LDLRAD4: variants seen among roughly 807,000 people sequenced by gnomAD.
LDLRAD4 encodes the protein low density lipoprotein receptor class A domain containing 4.
Under a neutral mutation model 17.0 loss-of-function variants are expected in LDLRAD4, and 5 were observed. That is an observed-to-expected ratio of 0.29 (90% CI 0.15 to 0.62). The LOEUF (loss-of-function observed/expected upper bound fraction) is 0.62, where lower values mean the gene tolerates loss of function less well. Among genes scored for constraint, LDLRAD4 ranks in the 20% least tolerant of loss-of-function variants. LDLRAD4 has a pLI of 0.84. For synonymous variants in LDLRAD4, 168 were observed against 171.8 expected (o/e 0.98, Z 0.17); for missense variants, 340 against 424.7 (o/e 0.80, Z 1.75).
intron 2 of LDLRAD4, among the ~76,000 whole-genome samples, chr18:13,411,251 CAA>C (rs71174170): frequency 2.5e-4 from 26 of 106,100 alleles, no homozygotes; most frequent in Non-Finnish European, 3.1e-4. Context: ...GACCCTGTCT[CAA>C]AAAAAAAAAA....
At chr18:13,310,389 C>T (rs951778745) in intron 1 of LDLRAD4, among the ~76,000 whole-genome samples, 6 of 151,586 alleles carry the variant, frequency 4.0e-5, no homozygotes, top group Non-Finnish European at 8.8e-5. Context: ...GGTGGGCCTG[C>T]AAGGACATGC....
intron 2 of LDLRAD4, among the ~76,000 whole-genome samples, chr18:13,434,262 T>TA (rs397831530): frequency 1.3e-5 from 2 of 151,744 alleles, no homozygotes; most frequent in South Asian, 2.1e-4. Context: ...TTTTTTTTTT[T>TA]AATAAGAAAT....
intron 1 of LDLRAD4, chr18:13,239,906 A>T (rs1442328123): frequency 2.0e-5 from 3 of 152,290 alleles, no homozygotes; most frequent in Non-Finnish European, 4.4e-5. Flanking sequence ...ACCTTTACCC[A>T]GTTCCTGACT....
At chr18:13,468,404 A>G (rs1012093025) in intron 3 of LDLRAD4, among the ~76,000 whole-genome samples, 4 of 152,192 alleles carry the variant, frequency 2.6e-5, no homozygotes, top group Non-Finnish European at 4.4e-5. Context: ...TGTTGGTGGG[A>G]CTGTAAACTA....
chr18:13,349,427 C>A (rs1347782048), intron 1 of LDLRAD4, among the ~76,000 whole-genome samples: 3 of 152,164 alleles, frequency 2.0e-5, no homozygotes, highest in Admixed American at 6.5e-5. Flanking sequence ...ACCAAAATTA[C>A]AATAACCCTG....
rs560312849 is a variant in LDLRAD4, at chr18:13,327,837, G to C, written c.-383+49649G>C. 3.9e-5 allele frequency among the ~76,000 whole-genome samples: 6 copies of C among 152,260 alleles called. No homozygotes were observed. The East Asian group carries it at 1.2e-3, about 29-fold the overall frequency. ...GTGCTGTCACGAGCCATATCCCCTG[G>C]CCTCCTGCTTTGCTTCTGGGCTGTC... On this transcript the variant is annotated intron_variant, in intron 1 of 5. Coordinates refer to ENST00000359446, the Ensembl canonical transcript of LDLRAD4.
intron 3 of LDLRAD4, among the ~76,000 whole-genome samples, chr18:13,478,116 G>A (rs1031330443): frequency 6.6e-6 from 1 of 152,082 alleles, no homozygotes; most frequent in African/African-American, 2.4e-5. Flanking sequence ...CCTCCTCACG[G>A]TCTCTGCCTG....
chr18:13,378,024 G>A (rs1161089320), intron 1 of LDLRAD4, among the ~76,000 whole-genome samples: 1 of 152,218 alleles, frequency 6.6e-6, no homozygotes, highest in African/African-American at 2.4e-5. Flanking sequence ...AAGCTCAGCT[G>A]TTCCCTGTGT....
intron 1 of LDLRAD4, among the ~76,000 whole-genome samples, chr18:13,230,675 TG>T (rs2042026834): frequency 1.3e-5 from 2 of 150,322 alleles, no homozygotes; most frequent in South Asian, 2.1e-4. Context: ...GGGGAAGAGG[TG>T]GGAGGGTGTC....
At position 13,321,861 on chromosome 18, in the gene LDLRAD4, C is replaced by CAAAAAAAAAAAAAAAAAAAAAAAAAAA. The variant is rs57033432; in HGVS notation, c.-383+43688_-383+43714dup. Among the ~76,000 whole-genome samples the CAAAAAAAAAAAAAAAAAAAAAAAAAAA allele has an allele frequency of 1.4e-4, 9 of 62,142 alleles. 1 individual carries two copies. Among genetic ancestry groups the CAAAAAAAAAAAAAAAAAAAAAAAAAAA allele is most frequent in the Non-Finnish European group, 2.5e-4 (9 of 35,800 alleles). The allele number at this position is 62,142 out of a possible 152,430, so 40.8% of individuals were successfully genotyped here. On this transcript the variant is annotated intron_variant, in intron 1 of 5. Coordinates refer to ENST00000359446, the Ensembl canonical transcript of LDLRAD4. ...AGGCAACAACAGCGAGACTCCGTCT[C>CAAAAAAAAAAAAAAAAAAAAAAAAAAA]AAAAAAAAAAAAAAAAAAAAAAAAA...
chr18:13,595,886 T>C (rs1298864028), intron 3 of LDLRAD4, among the ~76,000 whole-genome samples: 3 of 152,250 alleles, frequency 2.0e-5, no homozygotes, highest in Non-Finnish European at 4.4e-5. Flanking sequence ...GTTAGGTTTA[T>C]TTGGCTTCTA....
intron 2 of LDLRAD4, chr18:13,419,506 C>A (rs1171432989): frequency 6.6e-6 from 1 of 152,166 alleles, no homozygotes; most frequent in Non-Finnish European, 1.5e-5. Context: ...ATCTGAGAGT[C>A]TTTTAAGTTC....
chr18:13,334,237 T>G (rs182911150), intron 1 of LDLRAD4, among the ~76,000 whole-genome samples: 23 of 151,890 alleles, frequency 1.5e-4, no homozygotes, highest in African/African-American at 5.6e-4. Context: ...AATTACCTTT[T>G]TTATTTCTTT....
At chr18:13,524,175 C>A (rs922280444) in intron 3 of LDLRAD4, among the ~76,000 whole-genome samples, 2 of 152,258 alleles carry the variant, frequency 1.3e-5, no homozygotes, top group Non-Finnish European at 2.9e-5. Flanking sequence ...GAAGCCCCTT[C>A]TGAATCAGGA....
intron 1 of LDLRAD4, among the ~76,000 whole-genome samples, chr18:13,288,672 CCACAGACCG>C (rs1355494166): frequency 6.6e-6 from 1 of 151,676 alleles, no homozygotes. Flanking sequence ...GGTAGCAGCC[CCACAGACCG>C]TGGTCACTCT....
At chr18:13,472,433 C>T (rs1008950148) in intron 3 of LDLRAD4, 2 of 152,232 alleles carry the variant, frequency 1.3e-5, no homozygotes, top group African/African-American at 4.8e-5. Flanking sequence ...AACAGTGCAG[C>T]TTCTGTTCTG....
intron 3 of LDLRAD4, among the ~76,000 whole-genome samples, chr18:13,451,161 G>A (rs1255101387): frequency 2.6e-5 from 4 of 152,176 alleles, no homozygotes; most frequent in African/African-American, 9.7e-5. Flanking sequence ...GTCCTAATAT[G>A]TATGTTTCTA....
chr18:13,329,365 G>A (rs951549124), intron 1 of LDLRAD4, among the ~76,000 whole-genome samples: 2 of 152,198 alleles, frequency 1.3e-5, no homozygotes, highest in Non-Finnish European at 2.9e-5. Flanking sequence ...AGGAAAAAAA[G>A]TAATAGAGTT....
rs533750326 is a variant in LDLRAD4 at position 13,601,286 on chromosome 18, CAAAT to C, written c.182-19828_182-19825del. ...TGTAAACAAATCAATGAGAATAAAA[CAAAT>C]AACCCCACTAAAAACTGGGCAAAGG... On this transcript the variant is annotated intron_variant, in intron 3 of 5. Coordinates refer to ENST00000359446, the Ensembl canonical transcript of LDLRAD4. Among the ~76,000 whole-genome samples, 152 of 152,208 alleles carry C rather than the reference CAAAT, an allele frequency of 1.0e-3. 1 individual carries two copies. Among genetic ancestry groups the C allele is most frequent in the African/African-American group, 3.2e-3 (131 of 41,530 alleles).
Sources: allele counts gnomAD v4.1 joint callset (sites outside exome capture counted in the v4.1 genomes callset), GRCh38; gene constraint gnomAD v4.1.1; transcripts MANE v1.5; gene names NCBI Gene and HGNC (gene_info 2026-07-23, HGNC 2026-07-21).